The following ZFHX3 variants were observed in gnomAD, a reference collection of about 807,000 sequenced individuals.
ZFHX3 encodes zinc finger homeobox 3.
In ZFHX3, 42 loss-of-function variants were observed where a neutral mutation model predicts 279.1. The observed-to-expected ratio is 0.15, with a 90% confidence interval of 0.12 to 0.19. The LOEUF is 0.19. ZFHX3 is among the 10% of genes least tolerant of loss of function. The pLI, the probability that ZFHX3 is intolerant of heterozygous loss-of-function variation, is 1.00. For missense variants in ZFHX3, 4,981 were observed against 4,754.0 expected (o/e 1.05, Z -1.40); for synonymous variants, 2,293 against 1,957.8 (o/e 1.17, Z -4.52).
intron 3 of ZFHX3, among the ~76,000 whole-genome samples, chr16:73,350,926 G>A (rs1027154177): frequency 4.6e-5 from 7 of 152,196 alleles, no homozygotes; most frequent in African/African-American, 1.7e-4. Context: ...CTCCTCAAGG[G>A]AGGATGTGGG....
At chr16:73,325,356 T>C (rs903717122) in intron 3 of ZFHX3, among the ~76,000 whole-genome samples, 2 of 152,202 alleles carry the variant, frequency 1.3e-5, no homozygotes, top group African/African-American at 4.8e-5. Context: ...GTGTGGGCAG[T>C]GCTAAGACAG....
chr16:73,359,606 T>C (rs2016402315), intron 3 of ZFHX3, among the ~76,000 whole-genome samples: 3 of 152,202 alleles, frequency 2.0e-5, no homozygotes, highest in South Asian at 2.1e-4. Context: ...CCCAGAGGCA[T>C]TGGGAAGGAA....
At chr16:73,541,687 G>A (rs980058449) in intron 2 of ZFHX3, among the ~76,000 whole-genome samples, 2 of 151,232 alleles carry the variant, frequency 1.3e-5, no homozygotes, top group African/African-American at 4.9e-5. Flanking sequence ...TTGGATGAGA[G>A]AGAGGCGGCT....
At chr16:73,387,156 A>G (rs2016917525) in intron 3 of ZFHX3, 1 of 152,178 alleles carries the variant, frequency 6.6e-6, no homozygotes, top group Admixed American at 6.5e-5. Context: ...TCCACGCTAC[A>G]CTAAAAACCC....
intron 2 of ZFHX3, among the ~76,000 whole-genome samples, chr16:73,468,283 G>T (rs1351373595): frequency 6.6e-6 from 1 of 152,180 alleles, no homozygotes; most frequent in East Asian, 1.9e-4. Context: ...CCAGGCAGCA[G>T]GATGATGGAA....
chr16:72,838,766 T>C (rs949935911), intron 4 of ZFHX3, among the ~76,000 whole-genome samples: 1 of 152,258 alleles, frequency 6.6e-6, no homozygotes, highest in African/African-American at 2.4e-5. Context: ...AAGTTCCATT[T>C]ATCTGTGTTC....
At chr16:73,602,988 A>G (rs2143865394) in intron 2 of ZFHX3, among the ~76,000 whole-genome samples, 1 of 151,142 alleles carries the variant, frequency 6.6e-6, no homozygotes, top group Admixed American at 6.6e-5. Context: ...CTGCAAGTCA[A>G]TAAGAAAAAG....
In ZFHX3 at chr16:72,900,341, A is replaced by G. The variant is rs550957628; in HGVS notation, c.3217-10379T>C. The stretch of plus-strand genomic sequence containing the variant: ...TCCACTCAAGAATTTGCTTATTTGT[A>G]TCTCCAATCCCATGACAGTCAATCC... On this transcript the variant is annotated intron_variant, in intron 3 of 9. Transcript: ENST00000268489. Among the ~76,000 whole-genome samples, 3 of 152,270 alleles carry G rather than the reference A, an allele frequency of 2.0e-5. No individual in the cohort carries two copies. The East Asian group carries it at 5.8e-4, about 29-fold the overall frequency.
chr16:72,878,585 C>T (rs1036074248), intron 4 of ZFHX3, among the ~76,000 whole-genome samples: 1 of 152,272 alleles, frequency 6.6e-6, no homozygotes, highest in African/African-American at 2.4e-5. Flanking sequence ...ACTGCTGCTG[C>T]TTTGCTCACC....
rs183012880 is a variant in ZFHX3, at chr16:73,860,012, G to C, written c.-1608+31639C>G. On this transcript the variant is annotated intron_variant, in intron 1 of 17. Coordinates refer to the ZFHX3 transcript ENST00000641206. The stretch of plus-strand genomic sequence containing the variant: ...AAAGTCCTGTGGCCCAGTTCAAATT[G>C]AGCCTGACAGTGAAGGTCACAGCAA... 6.8e-4 allele frequency among the ~76,000 whole-genome samples: 103 copies of C among 152,212 alleles called. 1 individual carries two copies. In the South Asian group the frequency reaches 1.0e-2, roughly 15 times the overall value.
At chr16:73,552,190 G>A (rs898505431) in intron 2 of ZFHX3, among the ~76,000 whole-genome samples, 6 of 152,130 alleles carry the variant, frequency 3.9e-5, no homozygotes, top group Non-Finnish European at 5.9e-5. Context: ...AGTTTTTAGT[G>A]GGACGAGATA....
chr16:73,325,985 A>G (rs557910601), intron 3 of ZFHX3, among the ~76,000 whole-genome samples: 1 of 151,130 alleles, frequency 6.6e-6, no homozygotes, highest in Admixed American at 6.6e-5. Flanking sequence ...AGCTGAGGCT[A>G]TATCGTGAGA....
chr16:73,021,563 G>T (rs1274071221), intron 1 of ZFHX3, among the ~76,000 whole-genome samples: 1 of 152,124 alleles, frequency 6.6e-6, no homozygotes, highest in Non-Finnish European at 1.5e-5. Flanking sequence ...AGGTGTGGTG[G>T]CTCACACCTA....
At chr16:72,957,300 C>T in intron 2 of ZFHX3, 127 bp downstream of exon 2, 1 of 1,096,180 alleles carries the variant, frequency 9.1e-7, no homozygotes, top group Non-Finnish European at 1.3e-6. Flanking sequence ...TAAGACACTC[C>T]AGTTTACACA....
intron 2 of ZFHX3, among the ~76,000 whole-genome samples, chr16:73,667,888 G>A (rs146884123): frequency 3.9e-4 from 60 of 152,230 alleles, no homozygotes; most frequent in Middle Eastern, 3.4e-3. Context: ...CAAATCGCAG[G>A]TTTCCTGAAG....
At chr16:73,878,480 T>C (rs998474130) in intron 1 of ZFHX3, among the ~76,000 whole-genome samples, 2 of 152,138 alleles carry the variant, frequency 1.3e-5, no homozygotes, top group Admixed American at 1.3e-4. Flanking sequence ...ATAAGCATAA[T>C]GGATTAATAG....
chr16:73,180,071 A>C (rs778540795), intron 5 of ZFHX3, among the ~76,000 whole-genome samples: 2 of 152,034 alleles, frequency 1.3e-5, no homozygotes, highest in African/African-American at 2.4e-5. Context: ...AAAATTACAG[A>C]CTCCTACGGG....
intron 4 of ZFHX3, among the ~76,000 whole-genome samples, chr16:73,276,521 TG>T (rs1324626336): frequency 7.9e-5 from 12 of 152,296 alleles, no homozygotes; most frequent in Admixed American, 4.6e-4. Context: ...GTTACTTACA[TG>T]GTACAGGTTT....
chr16:73,443,449 T>G (rs2018130459), intron 3 of ZFHX3, among the ~76,000 whole-genome samples: 1 of 152,210 alleles, frequency 6.6e-6, no homozygotes, highest in Non-Finnish European at 1.5e-5. Context: ...TGATAGTTTC[T>G]TCTCTGAAAG....
Sources: gnomAD v4.1 joint callset for allele counts (sites outside exome capture counted in the v4.1 genomes callset) on GRCh38, gnomAD v4.1.1 for gene constraint, MANE v1.5 for transcripts, NCBI Gene and HGNC (gene_info 2026-07-23, HGNC 2026-07-21) for gene names.